RANBP2: variants seen among roughly 807,000 people sequenced by gnomAD.
The protein encoded by RANBP2 is E3 SUMO-protein ligase RanBP2.
In RANBP2, 57 loss-of-function variants were observed where a neutral mutation model predicts 303.6. The observed-to-expected ratio is 0.19, with a 90% CI of 0.15 to 0.23. The LOEUF (loss-of-function observed/expected upper bound fraction) is 0.23, where lower values mean the gene tolerates loss of function less well. RANBP2 is among the 10% of genes least tolerant of loss of function. The pLI is 1.00. For missense variants in RANBP2, 3,138 were observed against 3,780.8 expected (o/e 0.83, Z 4.46); for synonymous variants, 1,167 against 1,301.5 (o/e 0.90, Z 2.23).
chr2:109,396,433 G>T, the RANBP2 span, among the ~76,000 whole-genome samples: 1 of 152,214 alleles, frequency 6.6e-6, no homozygotes, highest in East Asian at 1.9e-4. Context: ...ATGTGCCTGG[G>T]CCGGGTCTGA....
the RANBP2 span, among the ~76,000 whole-genome samples, chr2:109,069,711 A>G: frequency 6.6e-6 from 1 of 152,252 alleles, no homozygotes; most frequent in Non-Finnish European, 1.5e-5. Context: ...TTATTTACCT[A>G]GCAACATAAC....
chr2:109,760,073 TC>T, the RANBP2 span, among the ~76,000 whole-genome samples: 5 of 141,232 alleles, frequency 3.5e-5, no homozygotes, highest in African/African-American at 1.3e-4. Context: ...CCTGCCGAGC[TC>T]TGCTGTTTCC....
At chr2:109,389,762 A>AT in the RANBP2 span, among the ~76,000 whole-genome samples, 1 of 152,214 alleles carries the variant, frequency 6.6e-6, no homozygotes, top group East Asian at 1.9e-4. Context: ...TACACATTAC[A>AT]TATGTATAAT....
chr2:108,882,685 C>T, the RANBP2 span: 1 of 152,186 alleles, frequency 6.6e-6, no homozygotes, highest in African/African-American at 2.4e-5. Context: ...TCCTCCATGC[C>T]CTTCTGATGT....
chr2:109,401,348 C>A, the RANBP2 span, among the ~76,000 whole-genome samples: 9 of 152,322 alleles, frequency 5.9e-5, no homozygotes, highest in South Asian at 1.5e-3. Context: ...TGAGGAGCAG[C>A]GGCCTGGCCC....
At chr2:108,729,108 A>T (rs1352102763) in intron 1 of RANBP2, 24 bp from the exon 2 acceptor site, 15 of 1,564,912 alleles carry the variant, frequency 9.6e-6, no homozygotes, top group Non-Finnish European at 1.3e-5. Flanking sequence ...TATGAAAAGT[A>T]AAACAACTTT....
the RANBP2 span, among the ~76,000 whole-genome samples, chr2:109,054,483 G>T: frequency 5.9e-5 from 9 of 152,172 alleles, no homozygotes; most frequent in East Asian, 1.4e-3. Flanking sequence ...GAGGTGGGCA[G>T]ATCACGAGGT....
chr2:108,931,192 C>T, the RANBP2 span, among the ~76,000 whole-genome samples: 2 of 152,238 alleles, frequency 1.3e-5, no homozygotes, highest in Non-Finnish European at 2.9e-5. Flanking sequence ...AAGCTGTACC[C>T]ATGCCACTTG....
At chr2:108,788,144 C>T (rs1473703416), downstream of RANBP2, 5 of 1,563,644 alleles carry the variant, frequency 3.2e-6, no homozygotes, top group East Asian at 4.5e-5. Flanking sequence ...TGAGGCTGGG[C>T]GCGGTGGCTC....
chr2:109,207,860 C>G, the RANBP2 span, among the ~76,000 whole-genome samples: 4 of 152,058 alleles, frequency 2.6e-5, no homozygotes, highest in South Asian at 4.1e-4. Flanking sequence ...GTTTGGGGAC[C>G]AATTTAACAA....
the RANBP2 span, among the ~76,000 whole-genome samples, chr2:108,890,129 A>AT: frequency 0.035 from 5,056 of 144,804 alleles, 275 homozygotes; most frequent in African/African-American, 0.12. Flanking sequence ...CTTGGCTGAC[A>AT]TTTTTTTTTT....
chr2:109,101,252 C>T, the RANBP2 span, among the ~76,000 whole-genome samples: 2 of 152,122 alleles, frequency 1.3e-5, no homozygotes, highest in Non-Finnish European at 2.9e-5. Flanking sequence ...GTGGGCCGGG[C>T]GTGGTAGCTC....
the RANBP2 span, chr2:109,490,668 T>C: frequency 6.6e-7 from 1 of 1,517,030 alleles, no homozygotes; most frequent in South Asian, 1.2e-5. Context: ...GAAGTCACGC[T>C]CCCCGCCATC....
At chr2:109,449,474 G>A in the RANBP2 span, 3 of 1,613,950 alleles carry the variant, frequency 1.9e-6, no homozygotes, top group African/African-American at 2.7e-5. Context: ...AACTAGACGA[G>A]AAGAAAAGTG....
At chr2:108,998,433 C>T in the RANBP2 span, among the ~76,000 whole-genome samples, 1 of 152,192 alleles carries the variant, frequency 6.6e-6, no homozygotes, top group African/African-American at 2.4e-5. Context: ...TGGAAAACAT[C>T]TCGTTGGGAA....
At chr2:109,164,374 G>A in the RANBP2 span, among the ~76,000 whole-genome samples, 11 of 152,238 alleles carry the variant, frequency 7.2e-5, no homozygotes, top group Admixed American at 3.9e-4. Context: ...GTTAGAGATG[G>A]GGTCTTGCTG....
chr2:108,929,785 A>G, the RANBP2 span, among the ~76,000 whole-genome samples: 1 of 152,158 alleles, frequency 6.6e-6, no homozygotes, highest in Non-Finnish European at 1.5e-5. Flanking sequence ...GAGATGCAGC[A>G]CTCAGGAAAA....
chr2:109,411,558 C>T, the RANBP2 span, among the ~76,000 whole-genome samples: 1 of 152,182 alleles, frequency 6.6e-6, no homozygotes, highest in Non-Finnish European at 1.5e-5. Flanking sequence ...GATGGACTGA[C>T]CCCATCAGCA....
chr2:109,562,673 C>T, the RANBP2 span, among the ~76,000 whole-genome samples: 66 of 152,154 alleles, frequency 4.3e-4, no homozygotes, highest in Non-Finnish European at 7.9e-4. Flanking sequence ...TGTCCCTGCC[C>T]GCTCTTACTC....
Sources: allele counts gnomAD v4.1 joint callset (sites outside exome capture counted in the v4.1 genomes callset), GRCh38; gene constraint gnomAD v4.1.1; transcripts MANE v1.5; gene names NCBI Gene and HGNC (gene_info 2026-07-23, HGNC 2026-07-21).